The following ELOVL4 variants were observed in gnomAD, a reference collection of about 807,000 sequenced individuals.
ELOVL4 encodes the protein very long chain fatty acid elongase 4.
ELOVL4 carries 18 observed loss-of-function variants against 42.1 expected under a neutral mutation model. The ratio of observed to expected loss-of-function variants is 0.43; its 90% confidence interval spans 0.30 to 0.63. The LOEUF (loss-of-function observed/expected upper bound fraction) is 0.63, where lower values mean the gene tolerates loss of function less well. Among genes scored for constraint, ELOVL4 ranks in the 30% least tolerant of loss-of-function variants. ELOVL4 has a pLI of 0.15. For synonymous variants in ELOVL4, 117 were observed against 127.0 expected (o/e 0.92, Z 0.53); for missense variants, 299 against 376.2 (o/e 0.79, Z 1.70).
intron 1 of ELOVL4, among the ~76,000 whole-genome samples, chr6:79,934,163 A>G (rs1181095730): frequency 1.3e-5 from 2 of 152,206 alleles, no homozygotes; most frequent in Admixed American, 1.3e-4. Context: ...TGACAATGAC[A>G]ATCACACCAG....
At chr6:79,921,039 C>T (rs562240820) in intron 4 of ELOVL4, among the ~76,000 whole-genome samples, 47 of 152,204 alleles carry the variant, frequency 3.1e-4, no homozygotes, top group African/African-American at 1.1e-3. Flanking sequence ...AACTACTAGA[C>T]CCGTTCCCCA....
intron 5 of ELOVL4, among the ~76,000 whole-genome samples, chr6:79,917,353 T>C (rs1774179974): frequency 6.6e-6 from 1 of 152,112 alleles, no homozygotes; most frequent in Admixed American, 6.5e-5. Flanking sequence ...AGTAATAGTA[T>C]TGTAGGCTCT....
chr6:79,928,735 T>TTG (rs1774390899), intron 1 of ELOVL4, among the ~76,000 whole-genome samples: 2 of 138,332 alleles, frequency 1.4e-5, no homozygotes, highest in African/African-American at 5.7e-5. Context: ...GGGTTTTTTT[T>TTG]TTTTTTTTTT....
chr6:79,923,831 C>A (rs1455966477), intron 3 of ELOVL4, among the ~76,000 whole-genome samples: 2 of 152,056 alleles, frequency 1.3e-5, no homozygotes, highest in African/African-American at 4.8e-5. Context: ...GTCCATAAGT[C>A]TTCTAATAGG....
chr6:79,929,719 G>C (rs950661008), intron 1 of ELOVL4, among the ~76,000 whole-genome samples: 1 of 152,160 alleles, frequency 6.6e-6, no homozygotes, highest in African/African-American at 2.4e-5. Context: ...ATAGACTAAT[G>C]GTGAGGAAAA....
At chr6:79,917,757 G>C (rs963216171) in intron 5 of ELOVL4, among the ~76,000 whole-genome samples, 2 of 152,156 alleles carry the variant, frequency 1.3e-5, no homozygotes, top group Non-Finnish European at 2.9e-5. Flanking sequence ...GGAGGCGGAA[G>C]TTACAGTGAG....
At chr6:79,931,199 T>C (rs992844607) in intron 1 of ELOVL4, among the ~76,000 whole-genome samples, 3 of 152,178 alleles carry the variant, frequency 2.0e-5, no homozygotes, top group African/African-American at 7.2e-5. Context: ...AATATGCTTA[T>C]TAACATGTTT....
rs768255082 is a variant in ELOVL4, at chr6:79,947,248, A to T, written c.32T>A (p.Val11Asp). The change falls in exon 1 of 6, where the codon GTC (valine) becomes GAC (aspartate). Residue 11 changes from valine to aspartate, a missense_variant. Transcript: ENST00000369816. MGLLDSEPGS[V>D]LNVVSTALND... ...GAGTGCCGTGGACACTACGTTTAGG[A>T]CACTACCCGGCTCCGAGTCCAGGAG... The T allele has an allele frequency of 4.3e-6, 7 of 1,612,926 alleles. No homozygotes were observed. The South Asian group carries it at 5.5e-5, about 13-fold the overall frequency.
At chr6:79,918,533 G>T (rs1774198085) in intron 5 of ELOVL4, among the ~76,000 whole-genome samples, 2 of 152,136 alleles carry the variant, frequency 1.3e-5, no homozygotes, top group Admixed American at 1.3e-4. Flanking sequence ...TGAATCCTTC[G>T]CACCCAGCAT....
chr6:79,934,377 T>G (rs1002376646), intron 1 of ELOVL4, among the ~76,000 whole-genome samples: 2 of 151,798 alleles, frequency 1.3e-5, no homozygotes, highest in Non-Finnish European at 2.9e-5. Flanking sequence ...AAACCAACTG[T>G]TCTTCCTTTT....
At chr6:79,940,399 T>C (rs1255885879) in intron 1 of ELOVL4, among the ~76,000 whole-genome samples, 2 of 152,208 alleles carry the variant, frequency 1.3e-5, no homozygotes, top group South Asian at 2.1e-4. Context: ...TTAAGGAACA[T>C]ACTTATACCA....
intron 2 of ELOVL4, among the ~76,000 whole-genome samples, chr6:79,925,756 A>C (rs1774332066): frequency 6.6e-6 from 1 of 152,192 alleles, no homozygotes. Flanking sequence ...TGAAATTGGC[A>C]TATTTTGATC....
At chr6:79,919,295 T>C (rs1307660441) in intron 5 of ELOVL4, 125 bp downstream of exon 5, 5 of 1,103,040 alleles carry the variant, frequency 4.5e-6, no homozygotes, top group African/African-American at 1.6e-5. Context: ...AACTGCGATA[T>C]AGCTGGAGGA....
In ELOVL4 at chr6:79,915,750, T is replaced by C. The variant is rs1176655225; in HGVS notation, c.*858A>G. 1.3e-5 allele frequency: 2 copies of C among 152,590 alleles called. No individual in the cohort carries two copies. Among genetic ancestry groups the C allele is most frequent in the Admixed American group, 1.3e-4 (2 of 15,272 alleles). 9.5% of individuals were successfully genotyped at this position (152,590 alleles called of 1,614,324 possible). A position where few individuals can be genotyped will look rare whatever the true frequency, so the allele number is the denominator to read the frequency against. ...ATAAATCAAAACAAGGAAAGCCTGA[T>C]AAAAATCAACATATTCTAACAGCAC... On this transcript the variant is annotated 3_prime_UTR_variant, in exon 6 of 6. Transcript: ENST00000369816.
At chr6:79,945,713 C>A (rs1182581330) in intron 1 of ELOVL4, among the ~76,000 whole-genome samples, 2 of 151,828 alleles carry the variant, frequency 1.3e-5, no homozygotes, top group Non-Finnish European at 2.9e-5. Flanking sequence ...TTTAAAGAAC[C>A]GAAATCACAG....
At chr6:79,919,790 C>T (rs1439815391) in intron 4 of ELOVL4, among the ~76,000 whole-genome samples, 3 of 152,092 alleles carry the variant, frequency 2.0e-5, no homozygotes, top group Non-Finnish European at 4.4e-5. Context: ...ATGCAAAGGA[C>T]TTTCACAGTT....
chr6:79,939,512 T>TTTAC (rs1198244332), intron 1 of ELOVL4, among the ~76,000 whole-genome samples: 1 of 145,596 alleles, frequency 6.9e-6, no homozygotes, highest in African/African-American at 2.5e-5. Flanking sequence ...ACTTTATTTA[T>TTTAC]TTATTTATTT....
intron 1 of ELOVL4, among the ~76,000 whole-genome samples, chr6:79,945,079 C>A (rs147520230): frequency 6.6e-6 from 1 of 151,266 alleles, no homozygotes; most frequent in Non-Finnish European, 1.5e-5. Flanking sequence ...CAGGTCTATT[C>A]GGCCTGGACC....
chr6:79,937,303 G>T (rs1451624473), intron 1 of ELOVL4, among the ~76,000 whole-genome samples: 1 of 152,116 alleles, frequency 6.6e-6, no homozygotes, highest in African/African-American at 2.4e-5. Context: ...AAGTTTGCCT[G>T]AATAGAGATC....
Sources: allele counts gnomAD v4.1 joint callset (sites outside exome capture counted in the v4.1 genomes callset), GRCh38; gene constraint gnomAD v4.1.1; transcripts MANE v1.5; gene names NCBI Gene and HGNC (gene_info 2026-07-23, HGNC 2026-07-21).